Variants in WBP1 observed in about 807,000 individuals in gnomAD.
WBP1 encodes the protein WW domain-binding protein 1.
In WBP1, 18 loss-of-function variants were observed where a neutral mutation model predicts 25.6. The ratio of observed to expected loss-of-function variants is 0.70; its 90% confidence interval spans 0.49 to 1.04. WBP1 has a LOEUF of 1.04. Ranked by LOEUF, WBP1 falls within the 50% of genes least tolerant of loss-of-function variation. The pLI, the probability that WBP1 is intolerant of heterozygous loss-of-function variation, is 0.00. For missense variants in WBP1, 330 were observed against 352.9 expected (o/e 0.94, Z 0.52); for synonymous variants, 122 against 137.7 (o/e 0.89, Z 0.80).
chr2:74,458,610 G>A lies in WBP1; in HGVS notation c.8G>A (p.Arg3Gln), dbSNP rs780036053. The A allele has an allele frequency of 3.8e-6, 6 of 1,559,996 alleles. No individual in the cohort carries two copies. In the African/African-American group the frequency reaches 8.1e-5, roughly 21 times the overall value. The change falls in exon 1 of 4, where the codon CGG (arginine) becomes CAG (glutamine). Residue 3 changes from arginine to glutamine, a missense_variant. Physicochemically the swap from Arg to Gln is conservative, Grantham distance 43 (BLOSUM62 1). Coordinates refer to ENST00000233615, the MANE Select transcript of WBP1 (RefSeq NM_012477.4). MA[R>Q]ASSGNGSEEA... ...GGGGCTGTAGGTGGAGGTATGGCTC[G>A]GGCCAGCAGCGGGAACGGCAGCGAG...
chr2:74,460,129 C>G lies in WBP1; in HGVS notation c.349+80C>G. 3 of 1,382,858 alleles carry G rather than the reference C, an allele frequency of 2.2e-6. No individual in the cohort carries two copies. The South Asian group carries it at 4.0e-5, about 18-fold the overall frequency. The allele number at this position is 1,382,858 out of a possible 1,614,324, so 85.7% of individuals were successfully genotyped here. A position where few individuals can be genotyped will look rare whatever the true frequency, so the allele number is the denominator to read the frequency against. On this transcript the variant is annotated intron_variant, in intron 3 of 3. Transcript: ENST00000233615. ...CCCAAATCGTCTCACATTCCCTTTT[C>G]CACACATTTCAAAGTATTTTTCCCT...
Position 74,459,677 on chromosome 2 carries a change from C to T in WBP1, c.104C>T (p.Pro35Leu). Reference protein sequence around the residue: ...RELCPGVNNQPYLCESGHCCG... With the variant: ...RELCPGVNNQLYLCESGHCCG... ...CTGTGCCCAGGAGTGAACAACCAGC[C>T]CTACCTCTGTGAGAGTGGTCACTGC... Residue 35 changes from proline (P) to leucine (L), a missense_variant, in exon 2 of 4, where the codon CCC becomes CTC. Physicochemically the swap from Pro to Leu is moderately conservative, Grantham distance 98. Coordinates refer to ENST00000233615, the MANE Select transcript of WBP1 (RefSeq NM_012477.4). The T allele has an allele frequency of 6.2e-7, 1 of 1,614,116 alleles. No individual in the cohort carries two copies. The highest frequency in any genetic ancestry group is 8.5e-7 in the Non-Finnish European group (1 of 1,180,030).
chr2:74,460,461 C>G lies in WBP1; in HGVS notation c.590C>G (p.Ala197Gly), dbSNP rs1016449449. 6.2e-7 allele frequency: 1 copy of G among 1,613,340 alleles called. No homozygotes were observed. The highest frequency in any genetic ancestry group is 8.5e-7 in the Non-Finnish European group (1 of 1,179,980). The change falls in exon 4 of 4, where the codon GCC (alanine) becomes GGC (glycine). Residue 197 changes from alanine to glycine, a missense_variant. Transcript: ENST00000233615. ...GAGCCCGGGGCAGGGGTGACCCCTG[C>G]CTCCACACCCCCCTCCTGCCGCTAT... The part of the protein sequence containing the change: ...EGEPGAGVTP[A>G]STPPSCRYRR...
At position 74,458,881 on chromosome 2, in the gene WBP1, G is replaced by A. The variant is rs1042554153; in HGVS notation, c.69+210G>A. 1.1e-5 allele frequency: 17 copies of A among 1,550,666 alleles called. No individual in the cohort carries two copies. In the East Asian group the frequency reaches 3.7e-4, roughly 33 times the overall value. On this transcript the variant is annotated intron_variant, in intron 1 of 3. Transcript: ENST00000233615. The stretch of plus-strand genomic sequence containing the variant: ...TCATAGAACCCATCCCATGGCTGCA[G>A]TGGAAGCTTGCGGTGGCTCTCCAGT...
chr2:74,458,835 C>T lies in WBP1; in HGVS notation c.69+164C>T, dbSNP rs960906273. The T allele has an allele frequency of 1.1e-5, 17 of 1,539,696 alleles. No homozygotes were observed. The Admixed American group carries it at 2.2e-4, about 20-fold the overall frequency. On this transcript the variant is annotated intron_variant, in intron 1 of 3. Transcript: ENST00000233615. ...TTGTCTAAACTTTGTAACGTAGATG[C>T]AGCTGACTTTGCCTGTAGCCTCATA... is the stretch of plus-strand genomic sequence containing the variant.
intron 1 of WBP1, chr2:74,458,953 A>G (rs1671799099): frequency 6.4e-7 from 1 of 1,550,634 alleles, no homozygotes; most frequent in African/African-American, 1.4e-5. Flanking sequence ...CTGTCTTGCA[A>G]CAGTTATTTG....
At position 74,459,919 on chromosome 2, in the gene WBP1, C is replaced by A. The variant is rs7420093; in HGVS notation, c.219C>A (p.Cys73Ter). ...TCCTCATCCTCTTTAGCTGCTGTTG[C>A]GCCTTCCGCCACCGACGAGCTAAAC... Reference protein sequence around the residue: ...WTVLILFSCCCAFRHRRAKLR... With the variant: ...WTVLILFSCC The change falls in exon 3 of 4, where the codon TGC becomes TGA. Residue 73 changes from cysteine to a stop codon, truncating the protein, a stop_gained. Coordinates refer to ENST00000233615, the MANE Select transcript of WBP1 (RefSeq NM_012477.4). LOFTEE classifies it high-confidence loss of function. 12 of 1,614,164 alleles carry A rather than the reference C, an allele frequency of 7.4e-6. No individual in the cohort carries two copies. The highest frequency in any genetic ancestry group is 1.0e-5 in the Non-Finnish European group (12 of 1,180,026).
At position 74,459,976 on chromosome 2, in the gene WBP1, A is replaced by C. The variant is rs1323152602; in HGVS notation, c.276A>C (p.Glu92Asp). Reference sequence around the variant, plus strand: ...TGCAACAACAGCAGCGGCAGCGTGAAATCAACTTGTTGGCCTATCATGGGG... The same window carrying C: ...TGCAACAACAGCAGCGGCAGCGTGACATCAACTTGTTGGCCTATCATGGGG... The part of the protein sequence containing the change: ...LRLQQQQRQR[E>D]INLLAYHGAC... Residue 92 changes from glutamate (E) to aspartate (D), a missense_variant, in exon 3 of 4, where the codon GAA (glutamate) becomes GAC (aspartate). By Grantham distance (45) the Glu-to-Asp change is conservative. Transcript: ENST00000233615. 8 of 1,614,028 alleles carry C rather than the reference A, an allele frequency of 5.0e-6. No individual in the cohort carries two copies. Among genetic ancestry groups the C allele is most frequent in the African/African-American group, 1.3e-5 (1 of 74,916 alleles).
rs1436628104 is a variant in WBP1, at chr2:74,459,994, T to A, written c.294T>A (p.Tyr98Ter). 6.2e-7 allele frequency: 1 copy of A among 1,614,078 alleles called. No homozygotes were observed. The highest frequency in any genetic ancestry group is 8.5e-7 in the Non-Finnish European group (1 of 1,180,032). Residue 98 changes from tyrosine to a stop codon, truncating the protein, a stop_gained, in exon 3 of 4, where the codon TAT becomes TAA. Transcript: ENST00000233615. LOFTEE classifies it high-confidence loss of function. ...QRQREINLLA[Y>*]HGACHGAGPF... ...AGCGTGAAATCAACTTGTTGGCCTA[T>A]CATGGGGCATGCCATGGGGCTGGTC...
chr2:74,460,072 T>C, intron 3 of WBP1, 23 bp downstream of exon 3: 1 of 1,607,732 alleles, frequency 6.2e-7, no homozygotes, highest in Non-Finnish European at 8.5e-7. Context: ...ATGCCCTGGG[T>C]CAGCTACCAG....
At position 74,458,445 on chromosome 2, in the gene WBP1, G is replaced by T; in HGVS notation, c.-158G>T. 6.9e-7 allele frequency: 1 copy of T among 1,446,686 alleles called. No homozygotes were observed. Among genetic ancestry groups the T allele is most frequent in the Non-Finnish European group, 9.1e-7 (1 of 1,099,752 alleles). 89.6% of individuals were successfully genotyped at this position (1,446,686 alleles called of 1,614,324 possible). A position where few individuals can be genotyped will look rare whatever the true frequency, so the allele number is the denominator to read the frequency against. ...GGCAGAGCAATCTGAGTCCTAGTTG[G>T]TGGAGTTCTGCCCGGATGGAAGCTC... On this transcript the variant is annotated 5_prime_UTR_variant, in exon 1 of 4. Transcript: ENST00000233615.
At chr2:74,460,100 G>A in intron 3 of WBP1, 51 bp downstream of exon 3, 2 of 1,599,256 alleles carry the variant, frequency 1.3e-6, no homozygotes, top group Admixed American at 1.7e-5. Flanking sequence ...CCCCAAACCA[G>A]AACCCCAAAT....
Position 74,459,996 on chromosome 2 carries a change from A to T in WBP1, c.296A>T (p.His99Leu). ...RQREINLLAY[H>L]GACHGAGPFP... ...CGTGAAATCAACTTGTTGGCCTATCATGGGGCATGCCATGGGGCTGGTCCT... is the reference window on the plus strand; with the variant it reads ...CGTGAAATCAACTTGTTGGCCTATCTTGGGGCATGCCATGGGGCTGGTCCT... The change falls in exon 3 of 4, where the codon CAT becomes CTT. Residue 99 changes from histidine to leucine, a missense_variant. By Grantham distance (99) the His-to-Leu change is moderately conservative (BLOSUM62 -3). Coordinates refer to ENST00000233615, the MANE Select transcript of WBP1 (RefSeq NM_012477.4). 1 of 1,614,142 alleles carries T rather than the reference A, an allele frequency of 6.2e-7. No individual in the cohort carries two copies. Among genetic ancestry groups the T allele is most frequent in the Non-Finnish European group, 8.5e-7 (1 of 1,180,014 alleles).
In WBP1 at chr2:74,459,972, G is replaced by T. The variant is rs566740889; in HGVS notation, c.272G>T (p.Arg91Leu). The T allele has an allele frequency of 4.5e-5, 72 of 1,614,152 alleles. No homozygotes were observed. In the South Asian group the frequency reaches 7.8e-4, roughly 17 times the overall value. ...KLRLQQQQRQ[R>L]EINLLAYHGA... ...AGGCTGCAACAACAGCAGCGGCAGCGTGAAATCAACTTGTTGGCCTATCAT... is the reference window on the plus strand; with the variant it reads ...AGGCTGCAACAACAGCAGCGGCAGCTTGAAATCAACTTGTTGGCCTATCAT... The change falls in exon 3 of 4, where the codon CGT (arginine) becomes CTT (leucine). Residue 91 changes from arginine to leucine, a missense_variant. By Grantham distance (102) the Arg-to-Leu change is moderately radical. Coordinates refer to ENST00000233615, the MANE Select transcript of WBP1 (RefSeq NM_012477.4).
chr2:74,458,511 G>C lies in WBP1; in HGVS notation c.-92G>C. 2 of 1,509,092 alleles carry C rather than the reference G, an allele frequency of 1.3e-6. No homozygotes were observed. The highest frequency in any genetic ancestry group is 1.8e-6 in the Non-Finnish European group (2 of 1,122,142). The allele number at this position is 1,509,092 out of a possible 1,614,324, so 93.5% of individuals were successfully genotyped here. On this transcript the variant is annotated 5_prime_UTR_variant, in exon 1 of 4. Coordinates refer to ENST00000233615, the MANE Select transcript of WBP1 (RefSeq NM_012477.4). Reference sequence around the variant, plus strand: ...GGTGGCCTCAGCGAAGATGGGCCGGGCAGGGACCATGGCGGTGGCAGCAGA... The same window carrying C: ...GGTGGCCTCAGCGAAGATGGGCCGGCCAGGGACCATGGCGGTGGCAGCAGA...
intron 3 of WBP1, 48 bp from the exon 4 acceptor site, chr2:74,460,173 C>G (rs777670693): frequency 1.3e-6 from 2 of 1,582,628 alleles, no homozygotes; most frequent in Non-Finnish European, 1.7e-6. Context: ...AACTAGCACC[C>G]TATACCTGGT....
chr2:74,459,786 C>T (rs760924629), intron 2 of WBP1, 41 bp downstream of exon 2: 18 of 1,613,404 alleles, frequency 1.1e-5, no homozygotes, highest in Admixed American at 3.3e-5. Flanking sequence ...CCTGTGTCCA[C>T]CCTCCCTTGG....
At position 74,458,938 on chromosome 2, in the gene WBP1, TC is replaced by T. The variant is rs756348141; in HGVS notation, c.69+270del. 1.4e-5 allele frequency: 21 copies of T among 1,550,730 alleles called. No individual in the cohort carries two copies. In the Admixed American group the frequency reaches 2.9e-4, roughly 22 times the overall value. ...AGGCATAGTGAGGTCCCAGGGAGGC[TC>T]CCTCTGTCTTGCAACAGTTATTTGT... On this transcript the variant is annotated intron_variant, in intron 1 of 3. Coordinates refer to ENST00000233615, the MANE Select transcript of WBP1 (RefSeq NM_012477.4).
chr2:74,459,128 G>A lies in WBP1; in HGVS notation c.69+457G>A. 3 of 1,540,556 alleles carry A rather than the reference G, an allele frequency of 1.9e-6. No individual in the cohort carries two copies. The East Asian group carries it at 7.3e-5, about 38-fold the overall frequency. On this transcript the variant is annotated intron_variant, in intron 1 of 3. Transcript: ENST00000233615. ...GGAGCACTGCTCTGGGTCTCACACT[G>A]CCCCTCCTCTATCCTAGGGAGCCTG...
Sources: gnomAD v4.1 joint callset for allele counts on GRCh38, gnomAD v4.1.1 for gene constraint, MANE v1.5 for transcripts, NCBI Gene and HGNC (gene_info 2026-07-23, HGNC 2026-07-21) for gene names.